SCN11A: variants seen among roughly 807,000 people sequenced by gnomAD.
The protein encoded by SCN11A is sodium channel protein type 11 subunit alpha.
SCN11A carries 122 observed loss-of-function variants against 162.2 expected under a neutral mutation model. The ratio of observed to expected loss-of-function variants is 0.75; its 90% CI spans 0.65 to 0.87. The LOEUF is 0.87. Ranked by LOEUF, SCN11A falls within the 40% of genes least tolerant of loss-of-function variation. The pLI is 0.00. For missense variants in SCN11A, 2,015 were observed against 2,181.6 expected (o/e 0.92, Z 1.52); for synonymous variants, 758 against 751.5 (o/e 1.01, Z -0.14).
intron 1 of SCN11A, among the ~76,000 whole-genome samples, chr3:39,047,181 T>C (rs1380811089): frequency 2.1e-5 from 3 of 144,394 alleles, no homozygotes; most frequent in Non-Finnish European, 4.6e-5. Flanking sequence ...GCAATCCTCA[T>C]ATATCAGCCT....
intron 28 of SCN11A, among the ~76,000 whole-genome samples, chr3:38,852,055 G>T (rs1374822694): frequency 2.6e-5 from 4 of 152,122 alleles, no homozygotes; most frequent in African/African-American, 9.7e-5. Context: ...AAGGGCAATG[G>T]GCAGGTAGAA....
rs373405212 is a variant in SCN11A, at chr3:38,926,803, G to A, written c.617C>T (p.Ala206Val). The A allele has an allele frequency of 3.1e-6, 5 of 1,612,956 alleles. No homozygotes were observed. Among genetic ancestry groups the A allele is most frequent in the South Asian group, 2.2e-5 (2 of 90,856 alleles). The stretch of plus-strand genomic sequence containing the variant: ...TCAAAAACATCTTTAATATTCTTAC[G>A]CTATTCCAATGACAATGGAGTCCAG... ...NWLDSIVIGIAIVSYIPGITI... is the reference protein window; with the variant it reads ...NWLDSIVIGIVIVSYIPGITI... The change falls in exon 8 of 30, where the codon GCG becomes GTG. Residue 206 changes from alanine (A) to valine (V), a missense_variant and splice_region_variant. Transcript: ENST00000302328.
chr3:39,035,259 A>C (rs1219705464), intron 1 of SCN11A, among the ~76,000 whole-genome samples: 1 of 152,214 alleles, frequency 6.6e-6, no homozygotes, highest in Non-Finnish European at 1.5e-5. Flanking sequence ...ACACAGACCA[A>C]GGGAACAGAA....
At chr3:38,979,973 T>C (rs1343592002) in intron 2 of SCN11A, among the ~76,000 whole-genome samples, 1 of 152,202 alleles carries the variant, frequency 6.6e-6, no homozygotes, top group Non-Finnish European at 1.5e-5. Context: ...GAAAGCCGCT[T>C]GTTGTTCTGT....
At position 38,864,188 on chromosome 3, in the gene SCN11A, T is replaced by A. The variant is rs563714605; in HGVS notation, c.3952-889A>T. Among the ~76,000 whole-genome samples, 39 of 152,194 alleles carry A rather than the reference T, an allele frequency of 2.6e-4. No homozygotes were observed. In the East Asian group the frequency reaches 7.1e-3, roughly 28 times the overall value. On this transcript the variant is annotated intron_variant, in intron 27 of 29. Coordinates refer to ENST00000302328, the MANE Select transcript of SCN11A (RefSeq NM_001349253.2). ...TGGTAATGGAAGACAACCAGAAAAT[T>A]GTCTCAATCCAGACTATGAGTAAAA... is the stretch of plus-strand genomic sequence containing the variant.
At chr3:39,031,156 T>G (rs956883194) in intron 2 of SCN11A, among the ~76,000 whole-genome samples, 5 of 152,240 alleles carry the variant, frequency 3.3e-5, no homozygotes, top group African/African-American at 1.2e-4. Context: ...ATAAGTGAAC[T>G]GTTGAACAAT....
chr3:38,941,964 C>T lies in SCN11A; in HGVS notation c.488+3447G>A, dbSNP rs200632181. Among the ~76,000 whole-genome samples the T allele has an allele frequency of 1.5e-4, 23 of 152,114 alleles. No homozygotes were observed. The East Asian group carries it at 1.5e-3, about 10-fold the overall frequency. ...AACTATATGTTGTTTACAAGATATA[C>T]GCTACAAATACAAAGACACAGAAGG... On this transcript the variant is annotated intron_variant, in intron 7 of 29. Coordinates refer to ENST00000302328, the MANE Select transcript of SCN11A (RefSeq NM_001349253.2).
In SCN11A at chr3:38,870,716, A is replaced by G. The variant is rs781009540; in HGVS notation, c.3788T>C (p.Ile1263Thr). The change falls in exon 26 of 30, where the codon ATA becomes ACA. Residue 1263 changes from isoleucine (I) to threonine (T), a missense_variant. By Grantham distance (89) the Ile-to-Thr change is moderately conservative (BLOSUM62 -1). Transcript: ENST00000302328. ...CTCTGTGGAATCAACAGCTGCATAT[A>G]TAATATCCATCCAGCCCTTAAATGT... ...VATFKGWMDI[I>T]YAAVDSTEKE... is the part of the protein sequence containing the mutation. 3.7e-6 allele frequency: 6 copies of G among 1,613,552 alleles called. No individual in the cohort carries two copies. Among genetic ancestry groups the G allele is most frequent in the Non-Finnish European group, 5.1e-6 (6 of 1,179,654 alleles).
chr3:39,048,607 T>C (rs2032241656), intron 1 of SCN11A, among the ~76,000 whole-genome samples: 1 of 152,204 alleles, frequency 6.6e-6, no homozygotes, highest in African/African-American at 2.4e-5. Flanking sequence ...AATTATTATG[T>C]GTCAATTAAA....
intron 29 of SCN11A, chr3:38,849,676 G>C (rs1201084161): frequency 2.0e-5 from 3 of 152,198 alleles, no homozygotes; most frequent in African/African-American, 7.2e-5. Flanking sequence ...CAAAAACCCA[G>C]AGTAAGCACT....
chr3:39,027,372 G>A (rs2031614952), intron 2 of SCN11A, among the ~76,000 whole-genome samples: 1 of 152,138 alleles, frequency 6.6e-6, no homozygotes, highest in Admixed American at 6.6e-5. Flanking sequence ...GGTTTTGGGG[G>A]TCATTCACTT....
At chr3:38,913,192 G>A (rs2065910218) in intron 11 of SCN11A, among the ~76,000 whole-genome samples, 1 of 152,044 alleles carries the variant, frequency 6.6e-6, no homozygotes, top group Non-Finnish European at 1.5e-5. Flanking sequence ...GTGTGAAATA[G>A]TACCTTATTG....
At chr3:38,935,739 ACCAAAAAGAGT>A (rs1278560336) in intron 7 of SCN11A, among the ~76,000 whole-genome samples, 1 of 152,116 alleles carries the variant, frequency 6.6e-6, no homozygotes, top group Non-Finnish European at 1.5e-5. Flanking sequence ...TAGCTTACCA[ACCAAAAAGAGT>A]CCAGGACCAG....
rs550321258 is a variant in SCN11A, at chr3:38,902,898, A to G, written c.1842+967T>C. 1.9e-3 allele frequency among the ~76,000 whole-genome samples: 287 copies of G among 152,200 alleles called. 1 individual carries two copies. Among genetic ancestry groups the G allele is most frequent in the African/African-American group, 6.3e-3 (260 of 41,540 alleles). On this transcript the variant is annotated intron_variant, in intron 16 of 29. Transcript: ENST00000302328. ...ACAAAAAAAAAAATGCCAAAAAAGG[A>G]GAAAAAATAACACTAAATAAAAATA...
intron 3 of SCN11A, among the ~76,000 whole-genome samples, chr3:38,954,383 G>A (rs2066656415): frequency 6.6e-6 from 1 of 152,174 alleles, no homozygotes; most frequent in Non-Finnish European, 1.5e-5. Context: ...TGGATGCGCT[G>A]TGAAAGACCC....
chr3:38,851,379 T>C (rs2064776001), intron 28 of SCN11A, among the ~76,000 whole-genome samples: 1 of 152,190 alleles, frequency 6.6e-6, no homozygotes, highest in African/African-American at 2.4e-5. Flanking sequence ...AAATGATTAA[T>C]TTATACTATA....
chr3:38,970,099 G>A (rs762340477), intron 2 of SCN11A, among the ~76,000 whole-genome samples: 1 of 151,132 alleles, frequency 6.6e-6, no homozygotes, highest in Admixed American at 6.6e-5. Flanking sequence ...AGTGAGCATC[G>A]TAGATCTCAC....
chr3:38,863,358 G>A, intron 27 of SCN11A, 59 bp from the exon 28 acceptor site: 1 of 819,760 alleles, frequency 1.2e-6, no homozygotes, highest in African/African-American at 1.7e-5. Flanking sequence ...ATCTAGTTCT[G>A]AATTTTTTGA....
In SCN11A at chr3:38,909,199, A is replaced by G. The variant is rs973835997; in HGVS notation, c.1102-5T>C. The G allele has an allele frequency of 5.6e-6, 9 of 1,613,698 alleles. No individual in the cohort carries two copies. The highest frequency in any genetic ancestry group is 7.6e-6 in the Non-Finnish European group (9 of 1,179,774). On this transcript the variant is annotated splice_region_variant and splice_polypyrimidine_tract_variant and intron_variant, in intron 12 of 29. Coordinates refer to ENST00000302328, the MANE Select transcript of SCN11A (RefSeq NM_001349253.2). ...GAGCCCAGTAGTACGCAGGGTCTGC[A>G]AAGGACAGAGCATGTTCTTGAATAT... is the stretch of plus-strand genomic sequence containing the variant.
Sources: gnomAD v4.1 joint callset for allele counts (sites outside exome capture counted in the v4.1 genomes callset) on GRCh38, gnomAD v4.1.1 for gene constraint, MANE v1.5 for transcripts, NCBI Gene and HGNC (gene_info 2026-07-23, HGNC 2026-07-21) for gene names.